EFR3A: variants seen among roughly 807,000 people sequenced by gnomAD.
The protein encoded by EFR3A is protein EFR3 homolog A.
EFR3A carries 76 observed loss-of-function variants against 104.4 expected under a neutral mutation model. The observed-to-expected ratio is 0.73, with a 90% CI of 0.60 to 0.88. The LOEUF (loss-of-function observed/expected upper bound fraction) is 0.88. Among genes scored for constraint, EFR3A ranks in the 40% least tolerant of loss-of-function variants. EFR3A has a pLI of 0.00. For synonymous variants in EFR3A, 330 were observed against 330.0 expected, an observed-to-expected ratio of 1.00 and a Z score of 0.00; for missense variants, 985 against 1,012.5, an observed-to-expected ratio of 0.97 and a Z score of 0.37.
In EFR3A at chr8:132,011,070, C is replaced by T. The variant is rs557615594; in HGVS notation, c.*175C>T. On this transcript the variant is annotated 3_prime_UTR_variant, in exon 23 of 23. Coordinates refer to ENST00000254624, the MANE Select transcript of EFR3A (RefSeq NM_015137.6). The stretch of plus-strand genomic sequence containing the variant: ...GAAGTTTTGGAGCTATATATAATTT[C>T]GAGTACTTTCAAAGATAGATTTATG... 99 of 1,255,992 alleles carry T rather than the reference C, an allele frequency of 7.9e-5. 1 individual carries two copies. In the South Asian group the frequency reaches 2.0e-3, roughly 25 times the overall value. 77.8% of individuals were successfully genotyped at this position (1,255,992 alleles called of 1,614,324 possible). A position where few individuals can be genotyped will look rare whatever the true frequency, so the allele number is the denominator to read the frequency against.
At chr8:132,006,109 A>G (rs866350226) in intron 22 of EFR3A, among the ~76,000 whole-genome samples, 9 of 152,192 alleles carry the variant, frequency 5.9e-5, no homozygotes, top group East Asian at 1.9e-4. Flanking sequence ...GAGCAATTTT[A>G]TATCTTTAGA....
chr8:131,929,404 G>A (rs1817472017), intron 1 of EFR3A, among the ~76,000 whole-genome samples: 1 of 152,112 alleles, frequency 6.6e-6, no homozygotes, highest in Non-Finnish European at 1.5e-5. Flanking sequence ...CTTAATAGAT[G>A]TGGCTCCCTT....
At chr8:131,971,051 G>C (rs1009953357) in intron 10 of EFR3A, among the ~76,000 whole-genome samples, 1 of 151,826 alleles carries the variant, frequency 6.6e-6, no homozygotes, top group Non-Finnish European at 1.5e-5. Flanking sequence ...ATACATCATG[G>C]TCTATTACCA....
intron 14 of EFR3A, among the ~76,000 whole-genome samples, chr8:131,979,702 A>C (rs569993171): frequency 1.6e-4 from 25 of 152,158 alleles, no homozygotes; most frequent in African/African-American, 6.0e-4. Flanking sequence ...GTCCTCTCCC[A>C]CTAAAAACAC....
At chr8:131,946,893 T>C (rs547203969) in intron 4 of EFR3A, among the ~76,000 whole-genome samples, 1 of 152,200 alleles carries the variant, frequency 6.6e-6, no homozygotes, top group East Asian at 1.9e-4. Flanking sequence ...CTCTTGGTCT[T>C]TTATTGCAAC....
At position 131,985,046 on chromosome 8, in the gene EFR3A, C is replaced by A. The variant is rs769570399; in HGVS notation, c.1855C>A (p.Gln619Lys). 1 of 1,613,256 alleles carries A rather than the reference C, an allele frequency of 6.2e-7. No individual in the cohort carries two copies. Among genetic ancestry groups the A allele is most frequent in the East Asian group, 2.2e-5 (1 of 44,860 alleles). The change falls in exon 16 of 23, where the codon CAG becomes AAG. Residue 619 changes from glutamine to lysine, a missense_variant. Transcript: ENST00000254624. ...GATGATAGCTGTCCCTGCATTTTGC[C>A]AGCATGTTAGCAAGGTAATGTATTT... Reference protein sequence around the residue: ...SQMIAVPAFCQHVSKVIEIRT... With the variant: ...SQMIAVPAFCKHVSKVIEIRT...
chr8:131,942,659 A>G (rs1818219554), intron 2 of EFR3A, among the ~76,000 whole-genome samples: 1 of 152,130 alleles, frequency 6.6e-6, no homozygotes, highest in Non-Finnish European at 1.5e-5. Context: ...TGAAAAGATA[A>G]TCTGATAAAA....
At chr8:131,984,629 G>A (rs569802458) in intron 15 of EFR3A, among the ~76,000 whole-genome samples, 62 of 152,136 alleles carry the variant, frequency 4.1e-4, no homozygotes, top group African/African-American at 9.4e-4. Context: ...TTAGAGTTGC[G>A]TAAGTGTTAT....
intron 18 of EFR3A, among the ~76,000 whole-genome samples, chr8:131,995,193 G>A (rs1317104887): frequency 6.6e-6 from 1 of 152,156 alleles, no homozygotes; most frequent in Non-Finnish European, 1.5e-5. Flanking sequence ...CCATCTCCAT[G>A]CTGCAGACTG....
At chr8:131,906,750 G>T (rs923661590) in intron 1 of EFR3A, among the ~76,000 whole-genome samples, 1 of 152,174 alleles carries the variant, frequency 6.6e-6, no homozygotes, top group Non-Finnish European at 1.5e-5. Context: ...CAATTTTGTG[G>T]TCGTGTTACA....
intron 8 of EFR3A, among the ~76,000 whole-genome samples, chr8:131,966,257 G>T (rs1819728641): frequency 6.6e-6 from 1 of 152,028 alleles, no homozygotes; most frequent in Non-Finnish European, 1.5e-5. Flanking sequence ...GTTTCTGCAT[G>T]ACCTTAGACA....
At chr8:131,998,494 C>G (rs1821614298) in intron 19 of EFR3A, among the ~76,000 whole-genome samples, 1 of 151,828 alleles carries the variant, frequency 6.6e-6, no homozygotes, top group African/African-American at 2.4e-5. Context: ...TTCTGTTTCC[C>G]TAAACTCAAA....
chr8:131,933,495 A>C (rs931155777), intron 1 of EFR3A, among the ~76,000 whole-genome samples: 27 of 151,928 alleles, frequency 1.8e-4, no homozygotes, highest in African/African-American at 6.0e-4. Context: ...ATTTGTGTTA[A>C]TTTTTTTTCA....
chr8:131,936,043 A>C (rs1817864113), intron 1 of EFR3A, among the ~76,000 whole-genome samples: 1 of 151,986 alleles, frequency 6.6e-6, no homozygotes, highest in Non-Finnish European at 1.5e-5. Context: ...TATCAGTTTC[A>C]CCTTGAGTTT....
chr8:131,913,549 G>C (rs1816619401), intron 1 of EFR3A, among the ~76,000 whole-genome samples: 3 of 151,904 alleles, frequency 2.0e-5, no homozygotes, highest in Admixed American at 2.0e-4. Flanking sequence ...CAGTCTTTAA[G>C]AGGAATTCTG....
intron 1 of EFR3A, among the ~76,000 whole-genome samples, chr8:131,934,601 C>A (rs1236238954): frequency 1.3e-5 from 2 of 151,882 alleles, no homozygotes; most frequent in Non-Finnish European, 2.9e-5. Context: ...TAAAATAACA[C>A]CTATATTACA....
chr8:131,922,666 A>G (rs1437416771), intron 1 of EFR3A, among the ~76,000 whole-genome samples: 1 of 152,154 alleles, frequency 6.6e-6, no homozygotes, highest in Non-Finnish European at 1.5e-5. Context: ...TAGTAAATGG[A>G]CAGCCTTGTT....
At chr8:131,941,617 A>T (rs984116952) in intron 2 of EFR3A, among the ~76,000 whole-genome samples, 1 of 152,256 alleles carries the variant, frequency 6.6e-6, no homozygotes, top group South Asian at 2.1e-4. Context: ...AAGCAGAAAC[A>T]TACTAAATAT....
intron 1 of EFR3A, among the ~76,000 whole-genome samples, chr8:131,936,061 C>T (rs186906957): frequency 2.6e-5 from 4 of 152,124 alleles, no homozygotes; most frequent in Admixed American, 2.6e-4. Context: ...TTTCTCTATG[C>T]AGCTGCTCAA....
Sources: allele counts gnomAD v4.1 joint callset (sites outside exome capture counted in the v4.1 genomes callset), GRCh38; gene constraint gnomAD v4.1.1; transcripts MANE v1.5; gene names NCBI Gene and HGNC (gene_info 2026-07-23, HGNC 2026-07-21).